LAMC1: variants seen among roughly 807,000 people sequenced by gnomAD.
LAMC1 encodes the protein laminin subunit gamma 1.
A neutral mutation model predicts 173.6 loss-of-function variants in LAMC1; 38 were observed. That is an observed-to-expected ratio of 0.22 (90% CI 0.17 to 0.29). LAMC1 has a LOEUF of 0.29. Among genes scored for constraint, LAMC1 ranks in the 10% least tolerant of loss-of-function variants. LAMC1 has a pLI of 1.00. For missense variants in LAMC1, 1,824 were observed against 2,051.8 expected (o/e 0.89, Z 2.14); for synonymous variants, 746 against 749.1 (o/e 1.00, Z 0.07).
At chr1:183,125,046 A>G in intron 14 of LAMC1, 170 bp downstream of exon 14, 1 of 813,076 alleles carries the variant, frequency 1.2e-6, no homozygotes, top group Middle Eastern at 3.7e-4. Flanking sequence ...ATAAAGAAGG[A>G]CAGTCATGGT....
At chr1:183,095,648 G>A (rs1197546106) in intron 1 of LAMC1, among the ~76,000 whole-genome samples, 3 of 152,148 alleles carry the variant, frequency 2.0e-5, no homozygotes, top group Admixed American at 6.5e-5. Context: ...CAGCTTACAC[G>A]AGTGGGGGTG....
At chr1:183,125,355 A>C in intron 14 of LAMC1, 42 bp from the exon 15 acceptor site, 19 of 1,601,352 alleles carry the variant, frequency 1.2e-5, no homozygotes, top group Non-Finnish European at 1.6e-5. Flanking sequence ...TATTTCTCTC[A>C]GGTGATTTGT....
chr1:183,126,351 T>A, intron 16 of LAMC1, 89 bp downstream of exon 16: 6 of 1,351,378 alleles, frequency 4.4e-6, no homozygotes, highest in Non-Finnish European at 5.2e-6. Flanking sequence ...AGCCTCAGTC[T>A]AGCCACTTGA....
intron 1 of LAMC1, among the ~76,000 whole-genome samples, chr1:183,036,396 C>CTTTTTTTTTT (rs768370901): frequency 1.0e-5 from 1 of 96,594 alleles, no homozygotes; most frequent in Non-Finnish European, 2.0e-5. Flanking sequence ...CCACGCCAGT[C>CTTTTTTTTTT]TTTTTTTTTT....
At chr1:183,099,006 CCTT>C (rs1323492497) in intron 1 of LAMC1, among the ~76,000 whole-genome samples, 6 of 152,320 alleles carry the variant, frequency 3.9e-5, no homozygotes, top group African/African-American at 1.2e-4. Context: ...ATCTTCCCCT[CCTT>C]CTCCTCTTCT....
intron 4 of LAMC1, among the ~76,000 whole-genome samples, chr1:183,111,386 C>T (rs561205252): frequency 9.9e-5 from 15 of 152,204 alleles, no homozygotes; most frequent in Admixed American, 3.3e-4. Context: ...TGCGCCTGGC[C>T]GCACAAGATT....
At chr1:183,107,249 C>T (rs568313210) in intron 2 of LAMC1, among the ~76,000 whole-genome samples, 7 of 152,242 alleles carry the variant, frequency 4.6e-5, no homozygotes, top group Middle Eastern at 3.4e-3. Context: ...AAATTTCCTG[C>T]CCTCGTGGTA....
intron 1 of LAMC1, among the ~76,000 whole-genome samples, chr1:183,077,524 C>A (rs985357530): frequency 6.6e-5 from 10 of 151,994 alleles, no homozygotes; most frequent in African/African-American, 2.4e-4. Flanking sequence ...ATACACCACA[C>A]CCTATTTGTA....
At chr1:183,103,670 T>C (rs1270908062) in intron 2 of LAMC1, 38 bp downstream of exon 2, 1 of 1,504,220 alleles carries the variant, frequency 6.6e-7, no homozygotes, top group Non-Finnish European at 8.9e-7. Context: ...CAGCTAGTTC[T>C]ACAACATGCG....
intron 1 of LAMC1, among the ~76,000 whole-genome samples, chr1:183,086,952 G>T (rs1655444563): frequency 6.6e-6 from 1 of 152,192 alleles, no homozygotes; most frequent in African/African-American, 2.4e-5. Flanking sequence ...TAAGATGGTA[G>T]AGTCAAGCTC....
chr1:183,086,543 C>G (rs1655433432), intron 1 of LAMC1, among the ~76,000 whole-genome samples: 1 of 152,218 alleles, frequency 6.6e-6, no homozygotes, highest in Non-Finnish European at 1.5e-5. Flanking sequence ...GCAGATTGCA[C>G]TGTTTCATCT....
intron 1 of LAMC1, among the ~76,000 whole-genome samples, chr1:183,058,895 C>G (rs1357653660): frequency 6.6e-6 from 1 of 152,228 alleles, no homozygotes; most frequent in Non-Finnish European, 1.5e-5. Flanking sequence ...AGCCTGTCAG[C>G]TGCAATCAAA....
chr1:183,097,635 T>C (rs1655727101), intron 1 of LAMC1, among the ~76,000 whole-genome samples: 1 of 152,168 alleles, frequency 6.6e-6, no homozygotes. Flanking sequence ...GTTTCTCCCT[T>C]ATTCAGAGAG....
At chr1:183,025,278 C>T (rs1026134890) in intron 1 of LAMC1, among the ~76,000 whole-genome samples, 1 of 152,106 alleles carries the variant, frequency 6.6e-6, no homozygotes, top group Non-Finnish European at 1.5e-5. Flanking sequence ...TTTTGCTGCT[C>T]TCCGGTACAC....
intron 1 of LAMC1, among the ~76,000 whole-genome samples, chr1:183,085,590 G>A (rs1490106768): frequency 6.6e-6 from 1 of 151,622 alleles, no homozygotes; most frequent in Non-Finnish European, 1.5e-5. Flanking sequence ...GGCTTGTCTT[G>A]AACACTTGGG....
At chr1:183,114,213 G>A (rs1656249145) in intron 4 of LAMC1, among the ~76,000 whole-genome samples, 1 of 152,170 alleles carries the variant, frequency 6.6e-6, no homozygotes, top group South Asian at 2.1e-4. Context: ...GGGATTACAG[G>A]CATCTGCTAC....
chr1:183,028,163 C>A (rs960866916), intron 1 of LAMC1, among the ~76,000 whole-genome samples: 17 of 151,404 alleles, frequency 1.1e-4, no homozygotes, highest in South Asian at 2.1e-4. Context: ...TCCCCCCCCC[C>A]ACCTCTTCCA....
chr1:183,142,419 G>A (rs1160098741), intron 27 of LAMC1, 115 bp from the exon 28 acceptor site: 81 of 1,071,742 alleles, frequency 7.6e-5, no homozygotes, highest in East Asian at 9.6e-5. Context: ...CACATTTGCC[G>A]GGCTGCCTGT....
chr1:183,053,665 G>T (rs1222298590), intron 1 of LAMC1, among the ~76,000 whole-genome samples: 1 of 150,656 alleles, frequency 6.6e-6, no homozygotes, highest in African/African-American at 2.4e-5. Context: ...TTGCTCTGTT[G>T]CCCAGGCTGG....
Sources: gnomAD v4.1 joint callset for allele counts (sites outside exome capture counted in the v4.1 genomes callset) on GRCh38, gnomAD v4.1.1 for gene constraint, MANE v1.5 for transcripts, NCBI Gene and HGNC (gene_info 2026-07-23, HGNC 2026-07-21) for gene names.